Variants in RIMS2 observed in about 807,000 individuals in gnomAD.
RIMS2 encodes regulating synaptic membrane exocytosis protein 2.
In RIMS2, 59 loss-of-function variants were observed where a neutral mutation model predicts 174.4. The observed-to-expected ratio is 0.34, with a 90% CI of 0.27 to 0.42. The LOEUF is 0.42. RIMS2 is among the 10% of genes least tolerant of loss of function. The probability of loss-of-function intolerance (pLI) is 1.00; values close to 1 mark genes in which losing one functional copy is unlikely to be tolerated. For synonymous variants in RIMS2, 606 were observed against 572.5 expected (o/e 1.06, Z -0.84); for missense variants, 1,620 against 1,666.3 (o/e 0.97, Z 0.48).
chr8:103,751,132 A>G lies in RIMS2; in HGVS notation c.388-15095A>G, dbSNP rs188766194. Among the ~76,000 whole-genome samples, 7 of 152,244 alleles carry G rather than the reference A, an allele frequency of 4.6e-5. No individual in the cohort carries two copies. The East Asian group carries it at 5.8e-4, about 13-fold the overall frequency. On this transcript the variant is annotated intron_variant, in intron 2 of 23. Coordinates refer to ENST00000504942, the Ensembl canonical transcript of RIMS2. ...CCAGCCACATGGAACTGTAAGTCCAATAAACCTCTTTCTTTTGTAAATTGC... is the reference window on the plus strand; with the variant it reads ...CCAGCCACATGGAACTGTAAGTCCAGTAAACCTCTTTCTTTTGTAAATTGC...
At chr8:103,639,354 A>G (rs959576600) in intron 1 of RIMS2, among the ~76,000 whole-genome samples, 1 of 151,934 alleles carries the variant, frequency 6.6e-6, no homozygotes, top group Non-Finnish European at 1.5e-5. Context: ...TTTGTGATGC[A>G]TAATTCCATG....
intron 3 of RIMS2, among the ~76,000 whole-genome samples, chr8:103,838,607 C>T (rs1036498409): frequency 6.6e-6 from 1 of 152,174 alleles, no homozygotes; most frequent in Non-Finnish European, 1.5e-5. Flanking sequence ...TATCTAATAA[C>T]GTCAGAGTGT....
At chr8:103,836,945 G>T (rs1379464379) in intron 3 of RIMS2, among the ~76,000 whole-genome samples, 3 of 152,184 alleles carry the variant, frequency 2.0e-5, no homozygotes, top group African/African-American at 7.2e-5. Context: ...ACAGTGCAAA[G>T]ATTATATGGA....
intron 19 of RIMS2, among the ~76,000 whole-genome samples, chr8:104,131,773 G>A (rs568171884): frequency 6.6e-6 from 1 of 152,250 alleles, no homozygotes; most frequent in African/African-American, 2.4e-5. Flanking sequence ...ACAGTGGATG[G>A]CAACTAAATC....
Position 103,895,264 on chromosome 8 carries a change from G to A in RIMS2, c.1624+9041G>A, listed in dbSNP as rs535607543. The stretch of plus-strand genomic sequence containing the variant: ...CCAACCTCTGTTCCACTGAGAGTCC[G>A]TATCTTAGCTCAGGCTACTATACCA... On this transcript the variant is annotated intron_variant, in intron 4 of 23. Transcript: ENST00000504942. Among the ~76,000 whole-genome samples, 7 of 149,564 alleles carry A rather than the reference G, an allele frequency of 4.7e-5. No individual in the cohort carries two copies. In the South Asian group the frequency reaches 1.0e-3, roughly 22 times the overall value.
intron 19 of RIMS2, among the ~76,000 whole-genome samples, chr8:104,203,220 T>C (rs1041362790): frequency 6.6e-6 from 1 of 152,132 alleles, no homozygotes; most frequent in Non-Finnish European, 1.5e-5. Flanking sequence ...AAAATAAAAT[T>C]AATATATTTT....
At chr8:103,813,598 T>A in intron 3 of RIMS2, among the ~76,000 whole-genome samples, 1 of 151,990 alleles carries the variant, frequency 6.6e-6, no homozygotes, top group Non-Finnish European at 1.5e-5. Context: ...TCCCCCACCC[T>A]GTGTCCAAGT....
chr8:103,962,358 C>T (rs534826177), intron 15 of RIMS2, among the ~76,000 whole-genome samples: 1 of 152,142 alleles, frequency 6.6e-6, no homozygotes, highest in Non-Finnish European at 1.5e-5. Context: ...TTTTCTGGCA[C>T]TACAGAATTG....
At chr8:103,505,501 A>C (rs1428224064) in intron 1 of RIMS2, among the ~76,000 whole-genome samples, 1 of 152,088 alleles carries the variant, frequency 6.6e-6, no homozygotes, top group Non-Finnish European at 1.5e-5. Flanking sequence ...GTGGGTATTT[A>C]AGTTTTTTTC....
In RIMS2 at chr8:103,547,934, A is replaced by T. The variant is rs1380367195; in HGVS notation, c.176+46872A>T. Among the ~76,000 whole-genome samples, 4 of 152,300 alleles carry T rather than the reference A, an allele frequency of 2.6e-5. No homozygotes were observed. The East Asian group carries it at 7.7e-4, about 29-fold the overall frequency. ...AGAAGAAATGGCTAGATTTCTGGAA[A>T]CATACCACCTGCCAAGATTGAACCA... On this transcript the variant is annotated intron_variant, in intron 1 of 23. Transcript: ENST00000504942.
intron 3 of RIMS2, among the ~76,000 whole-genome samples, chr8:103,815,733 A>C (rs2098714419): frequency 6.6e-6 from 1 of 152,224 alleles, no homozygotes; most frequent in Admixed American, 6.5e-5. Flanking sequence ...TAAGCATGAT[A>C]AATAAAAGAT....
intron 3 of RIMS2, among the ~76,000 whole-genome samples, chr8:103,778,594 C>G (rs1271831707): frequency 6.6e-6 from 1 of 152,094 alleles, no homozygotes; most frequent in Non-Finnish European, 1.5e-5. Context: ...GGATTTCATT[C>G]TTTTTATGGC....
In RIMS2 at chr8:103,647,376, C is replaced by G. The variant is rs188072445; in HGVS notation, c.177-49710C>G. Among the ~76,000 whole-genome samples, 9 of 151,878 alleles carry G rather than the reference C, an allele frequency of 5.9e-5. No homozygotes were observed. In the South Asian group the frequency reaches 1.0e-3, roughly 18 times the overall value. On this transcript the variant is annotated intron_variant, in intron 1 of 23. Transcript: ENST00000504942. Reference sequence around the variant, plus strand: ...ATTGATGTTCATCAAGGACATTGGCCTGAGGTTTTTTGTGTTGTTGTATCT... The same window carrying G: ...ATTGATGTTCATCAAGGACATTGGCGTGAGGTTTTTTGTGTTGTTGTATCT...
At chr8:103,762,427 G>T (rs906135341) in intron 2 of RIMS2, among the ~76,000 whole-genome samples, 1 of 151,978 alleles carries the variant, frequency 6.6e-6, no homozygotes, top group African/African-American at 2.4e-5. Flanking sequence ...AACTTAATTG[G>T]TTAAAGCGTT....
At chr8:103,911,111 C>T (rs537136716) in intron 5 of RIMS2, among the ~76,000 whole-genome samples, 1 of 152,030 alleles carries the variant, frequency 6.6e-6, no homozygotes, top group Non-Finnish European at 1.5e-5. Flanking sequence ...GATAGTGGGA[C>T]TTTTGATATC....
At chr8:103,790,402 A>G (rs1486381297) in intron 3 of RIMS2, among the ~76,000 whole-genome samples, 2 of 152,194 alleles carry the variant, frequency 1.3e-5, no homozygotes, top group Non-Finnish European at 2.9e-5. Context: ...TAATGTTTTC[A>G]AAGTTCATTG....
intron 3 of RIMS2, among the ~76,000 whole-genome samples, chr8:103,860,798 T>C (rs1353487244): frequency 2.7e-5 from 4 of 145,476 alleles, no homozygotes; most frequent in African/African-American, 7.7e-5. Context: ...GTTTTTTTTT[T>C]CCCTACAAAA....
At chr8:103,848,941 A>C (rs1248676732) in intron 3 of RIMS2, among the ~76,000 whole-genome samples, 1 of 152,032 alleles carries the variant, frequency 6.6e-6, no homozygotes, top group Non-Finnish European at 1.5e-5. Flanking sequence ...TTTGACTCTC[A>C]TACTTTGATT....
chr8:103,942,919 G>A (rs776576449), exon 14 of RIMS2: 1 of 1,602,822 alleles, frequency 6.2e-7, no homozygotes. Flanking sequence ...CAACACGGAG[G>A]TTGCAAAGTA....
Sources: gnomAD v4.1 joint callset for allele counts (sites outside exome capture counted in the v4.1 genomes callset) on GRCh38, gnomAD v4.1.1 for gene constraint, MANE v1.5 for transcripts, NCBI Gene and HGNC (gene_info 2026-07-23, HGNC 2026-07-21) for gene names.